Variants in PRKCB observed in about 807,000 individuals in gnomAD.
PRKCB encodes the protein protein kinase C beta type.
A neutral mutation model predicts 81.5 loss-of-function variants in PRKCB; 13 were observed. The ratio of observed to expected loss-of-function variants is 0.16; its 90% confidence interval spans 0.10 to 0.25. The LOEUF is 0.25. PRKCB is among the 10% of genes least tolerant of loss of function. The probability of loss-of-function intolerance (pLI) is 1.00; values close to 1 mark genes in which losing one functional copy is unlikely to be tolerated. For synonymous variants in PRKCB, 335 were observed against 321.4 expected (o/e 1.04, Z -0.45); for missense variants, 509 against 875.7 (o/e 0.58, Z 5.29).
intron 2 of PRKCB, among the ~76,000 whole-genome samples, chr16:23,934,021 T>TCATC (rs67394616): frequency 0.016 from 2,290 of 142,450 alleles, 64 homozygotes; most frequent in African/African-American, 0.055. Context: ...TTCTACCCAC[T>TCATC]CATCCATCCA....
At chr16:23,985,086 G>A (rs758327438) in intron 2 of PRKCB, among the ~76,000 whole-genome samples, 17 of 151,942 alleles carry the variant, frequency 1.1e-4, no homozygotes, top group Non-Finnish European at 2.4e-4. Flanking sequence ...TATTGTTTTT[G>A]TTTGTTTGTT....
At chr16:24,193,120 T>G (rs1198614062) in intron 16 of PRKCB, among the ~76,000 whole-genome samples, 1 of 151,952 alleles carries the variant, frequency 6.6e-6, no homozygotes, top group Non-Finnish European at 1.5e-5. Context: ...CCACCATGTC[T>G]GCCTAATTTT....
chr16:24,021,211 TTTCTTTCTTTCTTTCTTTCTTTCC>T (rs1465063439), intron 3 of PRKCB, among the ~76,000 whole-genome samples: 432 of 24,026 alleles, frequency 0.018, 11 homozygotes, highest in South Asian at 0.057. Flanking sequence ...TCTTTCTTTC[TTTCTTTCTTTCTTTCTTTCTTTCC>T]TTCCTTCCTT....
At chr16:23,996,031 C>T (rs543123202) in intron 3 of PRKCB, among the ~76,000 whole-genome samples, 5 of 152,128 alleles carry the variant, frequency 3.3e-5, no homozygotes, top group Admixed American at 1.3e-4. Flanking sequence ...AGTGGCCATA[C>T]ATGTGACTAT....
intron 3 of PRKCB, among the ~76,000 whole-genome samples, chr16:23,990,051 C>T (rs1225204472): frequency 6.6e-6 from 1 of 152,116 alleles, no homozygotes; most frequent in African/African-American, 2.4e-5. Context: ...TTGCCGACAT[C>T]CTGAGCATGG....
Position 24,005,776 on chromosome 16 carries a change from C to T in PRKCB, c.288+17186C>T, listed in dbSNP as rs191906062. ...CACCTTGATCTTCAGGGCAAAGGCT[C>T]GCTTCCTCCTCTTGGTGTCATCCGG... is the stretch of plus-strand genomic sequence containing the variant. On this transcript the variant is annotated intron_variant, in intron 3 of 16. Transcript: ENST00000643927. 8.5e-5 allele frequency among the ~76,000 whole-genome samples: 13 copies of T among 152,288 alleles called. No homozygotes were observed. In the East Asian group the frequency reaches 1.5e-3, roughly 18 times the overall value.
At chr16:24,161,421 T>C (rs1479473326) in intron 10 of PRKCB, among the ~76,000 whole-genome samples, 1 of 152,152 alleles carries the variant, frequency 6.6e-6, no homozygotes, top group African/African-American at 2.4e-5. Flanking sequence ...CAAATCAAAA[T>C]ATTGATTTGA....
At position 23,982,428 on chromosome 16, in the gene PRKCB, T is replaced by C. The variant is rs549388813; in HGVS notation, c.206-6080T>C. ...TCCCTTCCCCTTCTCTTCTCTTTTC[T>C]TTTTTTTCTGGAGTCAGGGTCTCAT... On this transcript the variant is annotated intron_variant, in intron 2 of 16. Transcript: ENST00000643927. Among the ~76,000 whole-genome samples, 692 of 150,672 alleles carry C rather than the reference T, an allele frequency of 4.6e-3. 7 individuals carry two copies. Among genetic ancestry groups the C allele is most frequent in the African/African-American group, 0.016 (672 of 40,924 alleles).
At chr16:23,875,480 G>GATATATATATATATATATATATATATAT (rs71381624) in intron 2 of PRKCB, among the ~76,000 whole-genome samples, 1 of 4,646 alleles carries the variant, frequency 2.2e-4, no homozygotes, top group Admixed American at 2.6e-3. Flanking sequence ...CAACTAAAAA[G>GATATATATATATATATATATATATATAT]ATATATATAT....
chr16:24,006,672 A>C (rs889198705), intron 3 of PRKCB, among the ~76,000 whole-genome samples: 1 of 152,246 alleles, frequency 6.6e-6, no homozygotes, highest in Non-Finnish European at 1.5e-5. Flanking sequence ...CTTGTGTTAC[A>C]TTCAGCCTAA....
chr16:23,912,193 T>C (rs1448184533), intron 2 of PRKCB, among the ~76,000 whole-genome samples: 1 of 152,218 alleles, frequency 6.6e-6, no homozygotes, highest in Non-Finnish European at 1.5e-5. Flanking sequence ...TCACTTAGAA[T>C]CTACCGTTTA....
At chr16:24,193,613 C>A (rs559018213) in intron 16 of PRKCB, among the ~76,000 whole-genome samples, 9 of 152,110 alleles carry the variant, frequency 5.9e-5, no homozygotes, top group Non-Finnish European at 1.2e-4. Flanking sequence ...CTGCACCCAG[C>A]CAAGAGAATC....
At position 24,048,989 on chromosome 16, in the gene PRKCB, G is replaced by A. The variant is rs77151514; in HGVS notation, c.529+13442G>A. On this transcript the variant is annotated intron_variant, in intron 5 of 16. Coordinates refer to ENST00000643927, the MANE Select transcript of PRKCB (RefSeq NM_002738.7). Reference sequence around the variant, plus strand: ...CTGTTTTGCTCCTTTGGGAGTATGAGAGTCAGTGTTTGCTGGACTGTGAGG... The same window carrying A: ...CTGTTTTGCTCCTTTGGGAGTATGAAAGTCAGTGTTTGCTGGACTGTGAGG... 7.5e-3 allele frequency among the ~76,000 whole-genome samples: 1,100 copies of A among 147,250 alleles called. 11 individuals are homozygous for A. The highest frequency in any genetic ancestry group is 0.027 in the African/African-American group (1,060 of 39,904).
At chr16:24,014,297 T>C (rs996227630) in intron 3 of PRKCB, among the ~76,000 whole-genome samples, 1 of 151,752 alleles carries the variant, frequency 6.6e-6, no homozygotes, top group Non-Finnish European at 1.5e-5. Flanking sequence ...AGGAGATGGG[T>C]GTGGTTTTGT....
At chr16:24,125,933 G>A (rs1001110732) in intron 9 of PRKCB, among the ~76,000 whole-genome samples, 11 of 152,230 alleles carry the variant, frequency 7.2e-5, no homozygotes, top group South Asian at 2.1e-4. Flanking sequence ...GGTCCACAAC[G>A]TTGTATGGTT....
At chr16:23,955,703 C>G (rs898107516) in intron 2 of PRKCB, among the ~76,000 whole-genome samples, 3 of 152,184 alleles carry the variant, frequency 2.0e-5, no homozygotes, top group African/African-American at 7.2e-5. Flanking sequence ...CCACCATGGG[C>G]GAGACCTTGG....
intron 7 of PRKCB, among the ~76,000 whole-genome samples, chr16:24,110,401 A>T (rs1353800452): frequency 1.3e-5 from 2 of 149,642 alleles, no homozygotes; most frequent in Non-Finnish European, 3.0e-5. Context: ...TTTAGTACAG[A>T]TGGGGTTTCA....
intron 3 of PRKCB, among the ~76,000 whole-genome samples, chr16:23,997,570 TTATGGA>T (rs1964976847): frequency 6.6e-6 from 1 of 152,242 alleles, no homozygotes; most frequent in Non-Finnish European, 1.5e-5. Flanking sequence ...CATTATTTTG[TTATGGA>T]TATGTTTGTG....
chr16:24,039,734 G>A (rs1405121795), intron 5 of PRKCB, among the ~76,000 whole-genome samples: 2 of 152,214 alleles, frequency 1.3e-5, no homozygotes, highest in Non-Finnish European at 2.9e-5. Flanking sequence ...ATCATACACA[G>A]CACCCAGGGG....
Sources: allele counts gnomAD v4.1 joint callset (sites outside exome capture counted in the v4.1 genomes callset), GRCh38; gene constraint gnomAD v4.1.1; transcripts MANE v1.5; gene names NCBI Gene and HGNC (gene_info 2026-07-23, HGNC 2026-07-21).